The following KANSL1L variants were observed in gnomAD, a reference collection of about 807,000 sequenced individuals.
KANSL1L encodes KAT8 regulatory NSL complex subunit 1-like protein.
KANSL1L carries 25 observed loss-of-function variants against 108.6 expected under a neutral mutation model. The observed-to-expected ratio is 0.23, with a 90% CI of 0.17 to 0.32. The LOEUF is 0.32. Among genes scored for constraint, KANSL1L ranks in the 10% least tolerant of loss-of-function variants. KANSL1L has a pLI of 1.00. For synonymous variants in KANSL1L, 405 were observed against 395.1 expected, an observed-to-expected ratio of 1.03 and a Z score of -0.30; for missense variants, 1,137 against 1,125.7, an observed-to-expected ratio of 1.01 and a Z score of -0.14.
chr2:210,067,100 C>A (rs1053713141), intron 6 of KANSL1L, among the ~76,000 whole-genome samples: 1 of 152,278 alleles, frequency 6.6e-6, no homozygotes, highest in East Asian at 1.9e-4. Flanking sequence ...GACATCAGTG[C>A]TCCTGGATCT....
At position 210,070,931 on chromosome 2, in the gene KANSL1L, G is replaced by A. The variant is rs964782596; in HGVS notation, c.1755+4621C>T. 2.5e-4 allele frequency among the ~76,000 whole-genome samples: 38 copies of A among 152,048 alleles called. No homozygotes were observed. In the East Asian group the frequency reaches 2.5e-3, roughly 10 times the overall value. On this transcript the variant is annotated intron_variant, in intron 6 of 14. Coordinates refer to ENST00000281772, the MANE Select transcript of KANSL1L (RefSeq NM_152519.4). The stretch of plus-strand genomic sequence containing the variant: ...TCCCAGCACTTTGGGAGGCTGAGGC[G>A]GGTGGATCACGAGGTCAGAAGTTTG...
chr2:210,062,439 C>T (rs1348056627), intron 6 of KANSL1L, among the ~76,000 whole-genome samples: 4 of 152,074 alleles, frequency 2.6e-5, no homozygotes, highest in African/African-American at 9.7e-5. Flanking sequence ...TTAGAAGATA[C>T]CCAAAAATGT....
Position 210,075,769 on chromosome 2 carries a change from G to T in KANSL1L, c.1551-13C>A. ...ATTCTCTGATGCACTGAAATGCCAT[G>T]AAATAATTAGGGCGTGGGAAGGGAA... On this transcript the variant is annotated splice_polypyrimidine_tract_variant and intron_variant, in intron 5 of 14. Transcript: ENST00000281772. 6.3e-7 allele frequency: 1 copy of T among 1,593,724 alleles called. No homozygotes were observed. Among genetic ancestry groups the T allele is most frequent in the Non-Finnish European group, 8.6e-7 (1 of 1,162,036 alleles).
chr2:210,098,109 A>C lies in KANSL1L; in HGVS notation c.1527T>G (p.Cys509Trp). The C allele has an allele frequency of 6.2e-7, 1 of 1,610,248 alleles. No individual in the cohort carries two copies. Among genetic ancestry groups the C allele is most frequent in the Non-Finnish European group, 8.5e-7 (1 of 1,178,096 alleles). Residue 509 changes from cysteine to tryptophan, a missense_variant, in exon 5 of 15, where the codon TGT (cysteine) becomes TGG (tryptophan). Cys to Trp is a radical substitution (Grantham distance 215, BLOSUM62 -2). This residue lies in a region of KANSL1L where 575 missense variants were observed against 567.1 expected (regional missense o/e 1.01). Coordinates refer to ENST00000281772, the MANE Select transcript of KANSL1L (RefSeq NM_152519.4). ...PLSSKSCSHK[C>W]LANGIYRSAS... ...ACCTCCTGTAAATGCCATTAGCCAG[A>C]CATTTATGGCTACAGGATTTGGAAG...
At chr2:210,159,642 T>C (rs1226410187) in intron 1 of KANSL1L, among the ~76,000 whole-genome samples, 1 of 152,216 alleles carries the variant, frequency 6.6e-6, no homozygotes, top group Non-Finnish European at 1.5e-5. Context: ...TACTCACAAG[T>C]AGTAACAACA....
intron 6 of KANSL1L, among the ~76,000 whole-genome samples, chr2:210,053,613 A>G (rs892344944): frequency 2.6e-5 from 4 of 152,212 alleles, no homozygotes; most frequent in Non-Finnish European, 5.9e-5. Context: ...ACAAACAGAA[A>G]AAAAATACAA....
In KANSL1L at chr2:210,029,754, GTTTTTA is replaced by G. The variant is rs776699541; in HGVS notation, c.2271+43_2271+48del. 8 of 916,766 alleles carry G rather than the reference GTTTTTA, an allele frequency of 8.7e-6. No individual in the cohort carries two copies. The Admixed American group carries it at 1.3e-4, about 15-fold the overall frequency. The allele number at this position is 916,766 out of a possible 1,614,324, so 56.8% of individuals were successfully genotyped here. On this transcript the variant is annotated intron_variant, in intron 10 of 14. Coordinates refer to ENST00000281772, the MANE Select transcript of KANSL1L (RefSeq NM_152519.4). Reference sequence around the variant, plus strand: ...ATATAAATTATTTTCAAAATCAGGTGTTTTTATTTTTAAAGCTATTTTAGAGTTCAA... The same window carrying G: ...ATATAAATTATTTTCAAAATCAGGTGTTTTTAAAGCTATTTTAGAGTTCAA...
At chr2:210,165,382 G>A (rs904157106) in intron 1 of KANSL1L, among the ~76,000 whole-genome samples, 7 of 151,852 alleles carry the variant, frequency 4.6e-5, no homozygotes, top group African/African-American at 1.5e-4. Flanking sequence ...AAACACCAGA[G>A]AGAATTTCAG....
At chr2:210,112,717 T>C (rs560064630) in intron 3 of KANSL1L, among the ~76,000 whole-genome samples, 237 of 152,290 alleles carry the variant, frequency 1.6e-3, no homozygotes, top group Admixed American at 4.2e-3. Flanking sequence ...ATCAGGGTAA[T>C]TAGCATATCC....
intron 12 of KANSL1L, 51 bp from the exon 13 acceptor site, chr2:210,025,267 TA>T (rs754422010): frequency 8.5e-7 from 1 of 1,175,630 alleles, no homozygotes; most frequent in South Asian, 1.2e-5. Context: ...TTTTGAAATA[TA>T]AGATCAGGCT....
At chr2:210,121,274 A>T (rs756701996) in intron 3 of KANSL1L, among the ~76,000 whole-genome samples, 7 of 152,248 alleles carry the variant, frequency 4.6e-5, no homozygotes, top group Admixed American at 2.6e-4. Flanking sequence ...GACTGCATAA[A>T]GCAAATGTGG....
chr2:210,132,294 C>T (rs1319319050), intron 2 of KANSL1L, among the ~76,000 whole-genome samples: 1 of 152,052 alleles, frequency 6.6e-6, no homozygotes, highest in Non-Finnish European at 1.5e-5. Context: ...AACTAATGCA[C>T]CAGCATACTC....
intron 6 of KANSL1L, among the ~76,000 whole-genome samples, chr2:210,050,606 G>A (rs2094280333): frequency 6.7e-6 from 1 of 149,202 alleles, no homozygotes; most frequent in Non-Finnish European, 1.5e-5. Flanking sequence ...TATAATCCCA[G>A]CATTTTGAGA....
chr2:210,089,434 T>G (rs1175599863), intron 5 of KANSL1L, among the ~76,000 whole-genome samples: 1 of 152,140 alleles, frequency 6.6e-6, no homozygotes, highest in African/African-American at 2.4e-5. Flanking sequence ...TACTGTGTAT[T>G]TGTTTGAAAA....
At chr2:210,028,308 C>T (rs2093964864) in intron 11 of KANSL1L, 1 of 152,206 alleles carries the variant, frequency 6.6e-6, no homozygotes, top group Admixed American at 6.6e-5. Flanking sequence ...ATGTAAATAC[C>T]TTCTCCACCT....
chr2:210,141,747 T>C (rs2095231070), intron 2 of KANSL1L, among the ~76,000 whole-genome samples: 2 of 152,298 alleles, frequency 1.3e-5, no homozygotes, highest in East Asian at 1.9e-4. Context: ...GTACATTCCT[T>C]CGATACCTAA....
chr2:210,161,279 C>T (rs142692797), intron 1 of KANSL1L, among the ~76,000 whole-genome samples: 24 of 152,200 alleles, frequency 1.6e-4, no homozygotes, highest in East Asian at 3.9e-4. Flanking sequence ...TGAGCCACTG[C>T]GCCTGGCCTG....
At chr2:210,106,114 GA>G (rs2094844475) in intron 3 of KANSL1L, among the ~76,000 whole-genome samples, 1 of 152,172 alleles carries the variant, frequency 6.6e-6, no homozygotes, top group African/African-American at 2.4e-5. Context: ...CTGAAGGTGA[GA>G]AGAATCTGTT....
intron 6 of KANSL1L, among the ~76,000 whole-genome samples, chr2:210,070,295 A>G (rs1394110496): frequency 8.1e-6 from 1 of 123,026 alleles, no homozygotes; most frequent in Non-Finnish European, 1.6e-5. Flanking sequence ...CAGTGGCGCG[A>G]TCTCCGCTCA....
Sources: gnomAD v4.1 joint callset for allele counts (sites outside exome capture counted in the v4.1 genomes callset) on GRCh38, gnomAD v4.1.1 for gene constraint, gnomAD v4.1.1 regional missense constraint, MANE v1.5 for transcripts, NCBI Gene and HGNC (gene_info 2026-07-23, HGNC 2026-07-21) for gene names.